The following RALGAPA1 variants were observed in gnomAD, a reference collection of about 807,000 sequenced individuals.
RALGAPA1 encodes ral GTPase-activating protein subunit alpha-1.
RALGAPA1 carries 52 observed loss-of-function variants against 269.6 expected under a neutral mutation model. The observed-to-expected ratio is 0.19, with a 90% CI of 0.15 to 0.24. The LOEUF is 0.24. Ranked by LOEUF, RALGAPA1 falls within the 10% of genes least tolerant of loss-of-function variation. The pLI is 1.00. For missense variants in RALGAPA1, 1,917 were observed against 3,013.9 expected (o/e 0.64, Z 8.52); for synonymous variants, 817 against 1,008.3 (o/e 0.81, Z 3.60).
intron 27 of RALGAPA1, among the ~76,000 whole-genome samples, chr14:35,661,046 C>G (rs555870835): frequency 2.6e-5 from 4 of 152,046 alleles, no homozygotes; most frequent in Non-Finnish European, 5.9e-5. Context: ...TAATGTACAG[C>G]ATGGTGACTA....
intron 39 of RALGAPA1, among the ~76,000 whole-genome samples, chr14:35,556,848 G>A (rs2055653525): frequency 6.6e-6 from 1 of 152,020 alleles, no homozygotes; most frequent in African/African-American, 2.4e-5. Context: ...ATTGAAAGCT[G>A]GAGTTGAATA....
At chr14:35,640,793 C>T (rs1297386749) in intron 31 of RALGAPA1, among the ~76,000 whole-genome samples, 1 of 152,116 alleles carries the variant, frequency 6.6e-6, no homozygotes, top group Non-Finnish European at 1.5e-5. Flanking sequence ...AAACTACAGG[C>T]CAATATTCCT....
intron 35 of RALGAPA1, among the ~76,000 whole-genome samples, chr14:35,617,529 A>G (rs2060327387): frequency 6.6e-6 from 1 of 150,770 alleles, no homozygotes; most frequent in East Asian, 2.0e-4. Flanking sequence ...GAGGCAGGAG[A>G]ATCACTTGAA....
intron 10 of RALGAPA1, among the ~76,000 whole-genome samples, chr14:35,744,491 G>A (rs2071865734): frequency 6.6e-6 from 1 of 151,810 alleles, no homozygotes; most frequent in Non-Finnish European, 1.5e-5. Flanking sequence ...CTATTATAGA[G>A]TTATCAGTAG....
chr14:35,759,862 AG>A, intron 6 of RALGAPA1, among the ~76,000 whole-genome samples: 2 of 151,548 alleles, frequency 1.3e-5, no homozygotes, highest in East Asian at 3.9e-4. Flanking sequence ...CAGTGAGCCA[AG>A]GCCATGCCAC....
intron 39 of RALGAPA1, among the ~76,000 whole-genome samples, chr14:35,556,419 A>T (rs2055612409): frequency 6.6e-6 from 1 of 152,210 alleles, no homozygotes; most frequent in Non-Finnish European, 1.5e-5. Flanking sequence ...TCCTACTGTA[A>T]CTAATTTTTT....
chr14:35,692,413 G>A (rs2066556213), intron 17 of RALGAPA1, among the ~76,000 whole-genome samples: 5 of 150,866 alleles, frequency 3.3e-5, no homozygotes, highest in African/African-American at 1.2e-4. Flanking sequence ...TTATTATGAT[G>A]TTCTGTGTTT....
intron 35 of RALGAPA1, among the ~76,000 whole-genome samples, chr14:35,611,966 C>A (rs1013627351): frequency 2.0e-5 from 3 of 152,074 alleles, no homozygotes; most frequent in Admixed American, 1.3e-4. Context: ...ATCATGTGAC[C>A]AGAAATAAAC....
chr14:35,719,854 G>A (rs758956617), intron 16 of RALGAPA1, among the ~76,000 whole-genome samples: 28 of 152,082 alleles, frequency 1.8e-4, no homozygotes, highest in Non-Finnish European at 3.8e-4. Context: ...GGGTTCAAGC[G>A]ATTCTCCTGC....
intron 36 of RALGAPA1, among the ~76,000 whole-genome samples, chr14:35,605,092 C>T (rs2059514408): frequency 1.3e-5 from 2 of 152,048 alleles, no homozygotes; most frequent in African/African-American, 4.8e-5. Context: ...TTTGTTGGTG[C>T]TAAAACCCTC....
chr14:35,655,464 G>T (rs992930305), intron 29 of RALGAPA1, among the ~76,000 whole-genome samples: 1 of 151,758 alleles, frequency 6.6e-6, no homozygotes, highest in African/African-American at 2.4e-5. Flanking sequence ...TGGTAATAAA[G>T]ATCAAAGAAC....
chr14:35,786,206 TAGGCTGAAC>T (rs1786667385), intron 1 of RALGAPA1, among the ~76,000 whole-genome samples: 1 of 152,152 alleles, frequency 6.6e-6, no homozygotes, highest in Non-Finnish European at 1.5e-5. Flanking sequence ...TTTCAGTGTG[TAGGCTGAAC>T]AGCCTTGATA....
chr14:35,651,958 G>A, intron 30 of RALGAPA1, 85 bp from the exon 31 acceptor site: 1 of 1,165,846 alleles, frequency 8.6e-7, no homozygotes, highest in Non-Finnish European at 1.2e-6. Context: ...AAATGCTGAA[G>A]TGATACAAAA....
At chr14:35,635,435 C>A in intron 32 of RALGAPA1, 29 bp downstream of exon 32, 1 of 1,548,184 alleles carries the variant, frequency 6.5e-7, no homozygotes, top group East Asian at 2.3e-5. Flanking sequence ...TCTTGGTTAC[C>A]AAATAAATAA....
chr14:35,608,662 T>A (rs1340377721), intron 35 of RALGAPA1, among the ~76,000 whole-genome samples: 1 of 152,154 alleles, frequency 6.6e-6, no homozygotes, highest in Non-Finnish European at 1.5e-5. Flanking sequence ...CAAATATATA[T>A]GCACCCAAAA....
chr14:35,756,692 T>C, intron 7 of RALGAPA1, 101 bp downstream of exon 7: 1 of 809,752 alleles, frequency 1.2e-6, no homozygotes, highest in South Asian at 2.4e-5. Flanking sequence ...AAAAAGAAAA[T>C]AAGCAAATAT....
intron 26 of RALGAPA1, among the ~76,000 whole-genome samples, chr14:35,670,960 G>A (rs2064366099): frequency 6.6e-6 from 1 of 151,048 alleles, no homozygotes; most frequent in African/African-American, 2.4e-5. Flanking sequence ...TTTGCTCCTA[G>A]GACATATGTC....
At chr14:35,543,851 A>G (rs1247282540) in intron 41 of RALGAPA1, among the ~76,000 whole-genome samples, 2 of 152,236 alleles carry the variant, frequency 1.3e-5, no homozygotes, top group Non-Finnish European at 2.9e-5. Context: ...CATGTTGGCC[A>G]GGCTGGTCTT....
At chr14:35,609,647 G>A (rs1349866881) in intron 35 of RALGAPA1, among the ~76,000 whole-genome samples, 6 of 152,044 alleles carry the variant, frequency 3.9e-5, no homozygotes, top group African/African-American at 1.4e-4. Flanking sequence ...TACAAAACTG[G>A]CACAGTGGTT....
Sources: gnomAD v4.1 joint callset for allele counts (sites outside exome capture counted in the v4.1 genomes callset) on GRCh38, gnomAD v4.1.1 for gene constraint, MANE v1.5 for transcripts, NCBI Gene and HGNC (gene_info 2026-07-23, HGNC 2026-07-21) for gene names.